The following NRG3 variants were observed in gnomAD, a reference collection of about 807,000 sequenced individuals.
NRG3 encodes the protein pro-neuregulin-3, membrane-bound isoform.
In NRG3, 31 loss-of-function variants were observed where a neutral mutation model predicts 66.9. That is an observed-to-expected ratio of 0.46 (90% CI 0.35 to 0.63). NRG3 has a LOEUF of 0.63. NRG3 is among the 20% of genes least tolerant of loss of function. The pLI is 0.00. For synonymous variants in NRG3, 393 were observed against 359.4 expected (o/e 1.09, Z -1.06); for missense variants, 910 against 878.9 (o/e 1.04, Z -0.45).
chr10:82,208,086 A>G (rs1391422149), intron 1 of NRG3, among the ~76,000 whole-genome samples: 2 of 152,204 alleles, frequency 1.3e-5, no homozygotes, highest in Non-Finnish European at 2.9e-5. Context: ...ATCACAATTT[A>G]AAAGATGAGA....
chr10:82,336,091 T>G (rs2082371251), intron 1 of NRG3, among the ~76,000 whole-genome samples: 1 of 152,172 alleles, frequency 6.6e-6, no homozygotes, highest in Non-Finnish European at 1.5e-5. Flanking sequence ...CAGACCAGAT[T>G]TGGGCCTGGG....
chr10:82,895,871 G>A (rs943679378), intron 4 of NRG3, among the ~76,000 whole-genome samples: 1 of 152,138 alleles, frequency 6.6e-6, no homozygotes, highest in Admixed American at 6.5e-5. Flanking sequence ...GCTGTTTACT[G>A]GCTGGCCTAA....
chr10:82,358,084 G>A (rs1278550000), intron 1 of NRG3, among the ~76,000 whole-genome samples: 3 of 152,122 alleles, frequency 2.0e-5, no homozygotes, highest in Non-Finnish European at 4.4e-5. Context: ...ATTTGAAAAT[G>A]TAAGTAATTA....
At chr10:82,255,791 A>G (rs373100492) in intron 1 of NRG3, among the ~76,000 whole-genome samples, 1 of 151,536 alleles carries the variant, frequency 6.6e-6, no homozygotes, top group Non-Finnish European at 1.5e-5. Flanking sequence ...TTTAGTAGAG[A>G]TGGGGTTTTA....
chr10:82,958,597 CTTAA>C (rs1333773130), intron 5 of NRG3, among the ~76,000 whole-genome samples: 1 of 152,160 alleles, frequency 6.6e-6, no homozygotes, highest in Non-Finnish European at 1.5e-5. Context: ...AAGCCCAAGT[CTTAA>C]TTGTTTTCCT....
chr10:82,349,582 G>C (rs1204354422), intron 1 of NRG3, among the ~76,000 whole-genome samples: 1 of 151,974 alleles, frequency 6.6e-6, no homozygotes, highest in Non-Finnish European at 1.5e-5. Context: ...TTGAGCTGTG[G>C]TGGGCTCCAC....
chr10:81,984,703 A>G (rs1311904494), intron 1 of NRG3, among the ~76,000 whole-genome samples: 2 of 152,196 alleles, frequency 1.3e-5, no homozygotes, highest in African/African-American at 2.4e-5. Context: ...TTTCAAAGGC[A>G]TCTTGAATAT....
At chr10:81,996,086 A>G (rs2060928970) in intron 1 of NRG3, among the ~76,000 whole-genome samples, 1 of 152,228 alleles carries the variant, frequency 6.6e-6, no homozygotes, top group South Asian at 2.1e-4. Context: ...AAAAGAGGAC[A>G]TCTGTCTGAG....
intron 1 of NRG3, among the ~76,000 whole-genome samples, chr10:82,137,098 G>A (rs1490953058): frequency 6.6e-6 from 1 of 152,130 alleles, no homozygotes; most frequent in Non-Finnish European, 1.5e-5. Context: ...TTCGTGTGGG[G>A]GAAACAAATG....
chr10:82,936,457 G>A (rs1171885424), intron 4 of NRG3, among the ~76,000 whole-genome samples: 1 of 152,154 alleles, frequency 6.6e-6, no homozygotes, highest in Non-Finnish European at 1.5e-5. Context: ...GGGTTTAGGG[G>A]GAAGATGGGG....
intron 1 of NRG3, among the ~76,000 whole-genome samples, chr10:82,254,689 A>G (rs2077632846): frequency 6.6e-6 from 1 of 152,132 alleles, no homozygotes; most frequent in Non-Finnish European, 1.5e-5. Flanking sequence ...CAAAAACAAA[A>G]AACTCACACT....
chr10:82,199,283 A>G (rs753233928), intron 1 of NRG3, among the ~76,000 whole-genome samples: 3 of 152,100 alleles, frequency 2.0e-5, no homozygotes, highest in African/African-American at 2.4e-5. Flanking sequence ...GCCTATTATG[A>G]TGTATAATTC....
At chr10:82,701,101 CA>C (rs1364221026) in intron 2 of NRG3, among the ~76,000 whole-genome samples, 1 of 151,718 alleles carries the variant, frequency 6.6e-6, no homozygotes, top group African/African-American at 2.4e-5. Context: ...AAATACAAAA[CA>C]AATATCAGTT....
chr10:82,432,228 G>A (rs908277200), intron 2 of NRG3, among the ~76,000 whole-genome samples: 1 of 151,962 alleles, frequency 6.6e-6, no homozygotes, highest in Non-Finnish European at 1.5e-5. Flanking sequence ...TTATCAAATC[G>A]TGTATTTGTA....
intron 2 of NRG3, among the ~76,000 whole-genome samples, chr10:82,714,988 A>G (rs2056889495): frequency 6.6e-6 from 1 of 152,252 alleles, no homozygotes; most frequent in Non-Finnish European, 1.5e-5. Context: ...TTTTCTAAAT[A>G]ATAAATAGGC....
At chr10:82,876,573 A>G (rs1841836144) in intron 4 of NRG3, among the ~76,000 whole-genome samples, 1 of 152,250 alleles carries the variant, frequency 6.6e-6, no homozygotes, top group African/African-American at 2.4e-5. Flanking sequence ...TCAGACACAG[A>G]ATAATCTGAT....
chr10:82,012,831 T>G (rs1401035386), intron 1 of NRG3, among the ~76,000 whole-genome samples: 1 of 152,208 alleles, frequency 6.6e-6, no homozygotes, highest in Middle Eastern at 3.2e-3. Context: ...TATCTTCATC[T>G]GAGACCACCT....
At chr10:82,234,706 A>G (rs933852890) in intron 1 of NRG3, among the ~76,000 whole-genome samples, 4 of 152,224 alleles carry the variant, frequency 2.6e-5, no homozygotes, top group Non-Finnish European at 4.4e-5. Context: ...CAGCATCGTA[A>G]AAGTTAACTG....
At chr10:82,552,879 C>T (rs1010004178) in intron 2 of NRG3, among the ~76,000 whole-genome samples, 4 of 152,032 alleles carry the variant, frequency 2.6e-5, no homozygotes, top group African/African-American at 9.7e-5. Flanking sequence ...TAGCCTTGGG[C>T]CTCCTGTCCT....
Sources: gnomAD v4.1 joint callset for allele counts (sites outside exome capture counted in the v4.1 genomes callset) on GRCh38, gnomAD v4.1.1 for gene constraint, MANE v1.5 for transcripts, NCBI Gene and HGNC (gene_info 2026-07-23, HGNC 2026-07-21) for gene names.